Variants in SLC30A8 observed in about 807,000 individuals in gnomAD.
The protein encoded by SLC30A8 is proton-coupled zinc antiporter SLC30A8.
Under a neutral mutation model 36.9 loss-of-function variants are expected in SLC30A8, and 27 were observed. The ratio of observed to expected loss-of-function variants is 0.73; its 90% CI spans 0.54 to 1.01. The LOEUF is 1.01. Among genes scored for constraint, SLC30A8 ranks in the 50% least tolerant of loss-of-function variants. The pLI, the probability that SLC30A8 is intolerant of heterozygous loss-of-function variation, is 0.00. For synonymous variants in SLC30A8, 164 were observed against 172.4 expected, an observed-to-expected ratio of 0.95 and a Z score of 0.38; for missense variants, 439 against 452.0, an observed-to-expected ratio of 0.97 and a Z score of 0.26.
intron 2 of SLC30A8, among the ~76,000 whole-genome samples, chr8:117,069,518 A>G (rs1818265772): frequency 6.6e-6 from 1 of 152,204 alleles, no homozygotes; most frequent in South Asian, 2.1e-4. Flanking sequence ...CCCAATTTAG[A>G]GAGTTAGTGA....
intron 1 of SLC30A8, among the ~76,000 whole-genome samples, chr8:116,980,373 G>C (rs1333709876): frequency 6.6e-6 from 1 of 152,114 alleles, no homozygotes; most frequent in African/African-American, 2.4e-5. Flanking sequence ...TAGCAGGAAA[G>C]GGCAGGGGGA....
intron 2 of SLC30A8, among the ~76,000 whole-genome samples, chr8:117,074,031 G>T (rs1818416214): frequency 7.3e-6 from 1 of 137,910 alleles, no homozygotes; most frequent in Non-Finnish European, 1.6e-5. Flanking sequence ...ATTGGGGCGG[G>T]TGGGTGGGGG....
chr8:117,067,051 C>T (rs1024722771), intron 2 of SLC30A8, among the ~76,000 whole-genome samples: 1 of 152,088 alleles, frequency 6.6e-6, no homozygotes, highest in Non-Finnish European at 1.5e-5. Flanking sequence ...GAAGCAAATA[C>T]GTCCTTCTTC....
rs71305456 is a variant in SLC30A8 at position 117,006,772 on chromosome 8, ATTTTTTTTT to A, written c.-265-32427_-265-32419del. Among the ~76,000 whole-genome samples the A allele has an allele frequency of 7.2e-3, 565 of 78,968 alleles. 3 individuals carry two copies. The highest frequency in any genetic ancestry group is 0.025 in the African/African-American group (526 of 21,432). 51.8% of individuals were successfully genotyped at this position (78,968 alleles called of 152,430 possible). On this transcript the variant is annotated intron_variant, in intron 1 of 10. Coordinates refer to the SLC30A8 transcript ENST00000427715. ...CTAAGACTGAGAGTTGAGTCAGGTA[ATTTTTTTTT>A]TTTTTTTTTTTTTTTTTTTGAGACG...
chr8:116,977,169 T>C (rs1180670423), intron 1 of SLC30A8, among the ~76,000 whole-genome samples: 1 of 99,560 alleles, frequency 1.0e-5, no homozygotes, highest in African/African-American at 3.9e-5. Flanking sequence ...TTTTTTGAGA[T>C]TCAGTCAGTC....
intron 1 of SLC30A8, among the ~76,000 whole-genome samples, chr8:116,959,535 G>A (rs1814343837): frequency 6.6e-6 from 1 of 152,068 alleles, no homozygotes; most frequent in East Asian, 1.9e-4. Context: ...ACATTCTTGT[G>A]TGCCAGATAT....
At chr8:117,086,029 A>G (rs760691021) in intron 2 of SLC30A8, among the ~76,000 whole-genome samples, 19 of 152,204 alleles carry the variant, frequency 1.2e-4, no homozygotes, top group Non-Finnish European at 2.6e-4. Flanking sequence ...GAGTCAGGTC[A>G]TGGCTCTTTT....
intron 1 of SLC30A8, among the ~76,000 whole-genome samples, chr8:116,978,655 G>A (rs1682840281): frequency 6.6e-6 from 1 of 152,126 alleles, no homozygotes; most frequent in South Asian, 2.1e-4. Context: ...ATGAAAGAAA[G>A]CCACATGCTG....
At chr8:117,097,410 A>ATATATATATATATAT (rs1563593753) in intron 2 of SLC30A8, among the ~76,000 whole-genome samples, 41 of 122,712 alleles carry the variant, frequency 3.3e-4, no homozygotes, top group African/African-American at 1.4e-3. Context: ...AAAAAAAAAA[A>ATATATATATATATAT]AAAAAAAAAT....
At chr8:117,091,495 G>T (rs922236232) in intron 2 of SLC30A8, among the ~76,000 whole-genome samples, 1 of 152,086 alleles carries the variant, frequency 6.6e-6, no homozygotes, top group African/African-American at 2.4e-5. Flanking sequence ...TGCCTCCGTA[G>T]ATGGTCTTGG....
intron 1 of SLC30A8, among the ~76,000 whole-genome samples, chr8:117,025,237 G>A (rs1816837818): frequency 6.6e-6 from 1 of 152,152 alleles, no homozygotes; most frequent in South Asian, 2.1e-4. Flanking sequence ...TTGTCGATAG[G>A]TTTGGTTGAA....
chr8:117,072,171 A>T (rs2130800181), intron 2 of SLC30A8, among the ~76,000 whole-genome samples: 1 of 152,280 alleles, frequency 6.6e-6, no homozygotes, highest in East Asian at 1.9e-4. Flanking sequence ...AAGTAGCTGT[A>T]TGTTCTTCCT....
chr8:117,158,954 G>T (rs908610138), intron 4 of SLC30A8, among the ~76,000 whole-genome samples: 2 of 152,248 alleles, frequency 1.3e-5, no homozygotes, highest in Non-Finnish European at 2.9e-5. Flanking sequence ...AATTATCCTT[G>T]ATTATCCAGG....
chr8:117,098,729 C>G (rs1322708643), intron 2 of SLC30A8, among the ~76,000 whole-genome samples: 3 of 152,036 alleles, frequency 2.0e-5, no homozygotes, highest in Non-Finnish European at 2.9e-5. Flanking sequence ...GGAGATTGTC[C>G]CTCTGTTCTT....
rs566023578 is a variant in SLC30A8, at chr8:117,122,154, A to T, written c.-225-13126A>T. 8.5e-5 allele frequency among the ~76,000 whole-genome samples: 13 copies of T among 152,052 alleles called. No individual in the cohort carries two copies. The East Asian group carries it at 1.2e-3, about 14-fold the overall frequency. ...TAGTAACTGAGGCTTAGAAGCAGTG[A>T]TAAGACTGGCCTTTGTAAGGCCTAT... On this transcript the variant is annotated intron_variant, in intron 2 of 10. Transcript: ENST00000427715.
At chr8:116,985,335 A>C (rs912670632) in intron 1 of SLC30A8, among the ~76,000 whole-genome samples, 3 of 129,348 alleles carry the variant, frequency 2.3e-5, no homozygotes, top group African/African-American at 8.4e-5. Context: ...CACACACACA[A>C]GTATGTATAT....
chr8:117,115,423 T>A (rs907141995), intron 2 of SLC30A8, among the ~76,000 whole-genome samples: 5 of 152,092 alleles, frequency 3.3e-5, no homozygotes, highest in African/African-American at 1.2e-4. Context: ...CTTCTTCTCT[T>A]GTCCTACTGC....
upstream of SLC30A8, among the ~76,000 whole-genome samples, chr8:117,132,188 T>C (rs763337809): frequency 1.3e-5 from 2 of 152,092 alleles, no homozygotes; most frequent in Non-Finnish European, 2.9e-5. Context: ...CTTGGTACTT[T>C]AGTATCTAGG....
chr8:116,968,773 T>C (rs986580546), intron 1 of SLC30A8, among the ~76,000 whole-genome samples: 3 of 152,122 alleles, frequency 2.0e-5, no homozygotes, highest in African/African-American at 7.2e-5. Flanking sequence ...AGTCTCGTTC[T>C]GTCACCAGGC....
Sources: gnomAD v4.1 joint callset for allele counts (sites outside exome capture counted in the v4.1 genomes callset) on GRCh38, gnomAD v4.1.1 for gene constraint, MANE v1.5 for transcripts, NCBI Gene and HGNC (gene_info 2026-07-23, HGNC 2026-07-21) for gene names.